The following SMS variants were observed in gnomAD, a reference collection of about 807,000 sequenced individuals.
The protein encoded by SMS is spermidine aminopropyltransferase.
Under a neutral mutation model 33.0 loss-of-function variants are expected in SMS, and 3 were observed. That is an observed-to-expected ratio of 0.09 (90% confidence interval 0.04 to 0.23). SMS has a LOEUF of 0.23. Ranked by LOEUF, SMS falls within the 10% of genes least tolerant of loss-of-function variation. The pLI is 1.00. For synonymous variants in SMS, 103 were observed against 112.2 expected (o/e 0.92, Z 0.52); for missense variants, 117 against 288.6 (o/e 0.41, Z 4.31).
At chrX:21,940,986 C>G in intron 1 of SMS, 113 bp downstream of exon 1, 2 of 245,013 alleles carry the variant, frequency 8.2e-6, no homozygotes, top group South Asian at 1.9e-4. Context: ...GCGGGCGGCC[C>G]GCGCGGCGCC....
At chrX:21,946,142 CTG>C (rs763427373) in intron 1 of SMS, among the ~76,000 whole-genome samples, 22 of 112,256 alleles carry the variant, frequency 2.0e-4, no homozygotes, top group Non-Finnish European at 3.2e-4. Flanking sequence ...GAAAATAAGT[CTG>C]TGTGTTTTTT....
intron 1 of SMS, among the ~76,000 whole-genome samples, chrX:21,949,601 A>AT (rs902283175): frequency 3.6e-5 from 4 of 111,439 alleles, no homozygotes; most frequent in African/African-American, 9.8e-5. Context: ...GCATGACTCC[A>AT]TTTTTTTTCA....
intron 1 of SMS, among the ~76,000 whole-genome samples, chrX:21,945,124 G>A (rs546351752): frequency 6.2e-5 from 7 of 112,001 alleles, no homozygotes; most frequent in East Asian, 5.6e-4. Context: ...TGGGCTGGGC[G>A]TATCTTTTGA....
chrX:21,942,829 CTTTTTTTTTT>C (rs772851812), intron 1 of SMS, among the ~76,000 whole-genome samples: 1 of 81,890 alleles, frequency 1.2e-5, no homozygotes, highest in African/African-American at 5.2e-5. Context: ...ATTTTCTTAA[CTTTTTTTTTT>C]TTTTTTTTTT....
intron 9 of SMS, among the ~76,000 whole-genome samples, chrX:21,985,592 T>C (rs920582222): frequency 8.9e-6 from 1 of 112,236 alleles, no homozygotes; most frequent in Admixed American, 9.5e-5. Flanking sequence ...ACTTAAACTT[T>C]AAAGATTACA....
At chrX:21,967,425 CT>C in intron 2 of SMS, 109 bp downstream of exon 2, 2 of 853,358 alleles carry the variant, frequency 2.3e-6, no homozygotes, top group Non-Finnish European at 3.4e-6. Flanking sequence ...CCTTTGACAT[CT>C]TTTAGGATGG....
At chrX:21,951,682 G>A (rs145277975) in intron 1 of SMS, among the ~76,000 whole-genome samples, 2,931 of 107,916 alleles carry the variant, frequency 0.027, 49 homozygotes, top group Non-Finnish European at 0.041. Context: ...TCCCAGCACC[G>A]TTTATTAAAT....
chrX:21,972,964 A>G (rs944477076), intron 4 of SMS, among the ~76,000 whole-genome samples: 6 of 108,058 alleles, frequency 5.6e-5, no homozygotes, highest in Non-Finnish European at 1.1e-4. Flanking sequence ...TGTGGTCCCC[A>G]GTAGTGTCTG....
intron 1 of SMS, among the ~76,000 whole-genome samples, chrX:21,957,106 C>T (rs143404187): frequency 6.0e-4 from 66 of 109,877 alleles, no homozygotes; most frequent in African/African-American, 2.0e-3. Context: ...CATCTGAGCC[C>T]GTGCCTGGTG....
At chrX:21,954,373 C>T (rs1043580849) in intron 1 of SMS, among the ~76,000 whole-genome samples, 7 of 112,038 alleles carry the variant, frequency 6.2e-5, no homozygotes, top group Admixed American at 1.9e-4. Flanking sequence ...AAAGCTTGCC[C>T]GTTCCTGCCT....
intron 9 of SMS, 130 bp from the exon 10 acceptor site, chrX:21,992,467 G>A (rs892873738): frequency 4.4e-5 from 22 of 503,600 alleles, no homozygotes; most frequent in Admixed American, 1.4e-4. Flanking sequence ...AAATACAGAA[G>A]CCTTATCTTG....
At position 21,994,303 on chromosome X, in the gene SMS, C is replaced by T. The variant is rs1925945662; in HGVS notation, c.1062-9C>T. ...ATTACCTGCTTTTATTCCTTGACTC[C>T]CTGTCCAGGTGGGTATTTTACACTG... On this transcript the variant is annotated splice_polypyrimidine_tract_variant and intron_variant, in intron 10 of 10. Transcript: ENST00000404933. 1 of 1,203,050 alleles carries T rather than the reference C, an allele frequency of 8.3e-7. No homozygotes were observed. Among genetic ancestry groups the T allele is most frequent in the Admixed American group, 2.2e-5 (1 of 45,577 alleles).
chrX:21,982,209 G>A lies in SMS; in HGVS notation c.751-2095G>A, dbSNP rs909090735. On this transcript the variant is annotated intron_variant, in intron 7 of 10. Transcript: ENST00000404933. The stretch of plus-strand genomic sequence containing the variant: ...AAAAATTAGCTGGGCGTGGTGGCGG[G>A]CACCTGTAGTCTCAGCTACTCGGGA... 3.7e-5 allele frequency among the ~76,000 whole-genome samples: 4 copies of A among 108,189 alleles called. No homozygotes were observed. In the South Asian group the frequency reaches 1.7e-3, roughly 45 times the overall value. 93.9% of individuals were successfully genotyped at this position (108,189 alleles called of 115,157 possible).
At chrX:21,974,518 A>G (rs766581107) in intron 4 of SMS, among the ~76,000 whole-genome samples, 1 of 111,683 alleles carries the variant, frequency 9.0e-6, no homozygotes, top group Non-Finnish European at 1.9e-5. Flanking sequence ...ACCCATTTGG[A>G]ATGAACAGGT....
At position 21,957,737 on chromosome X, in the gene SMS, A is replaced by G. The variant is rs779003350; in HGVS notation, c.50-9459A>G. ...TAGTTGATATTCCCACCAGCAGTGC[A>G]GAAGTGTTTCCTTTCACCACATCCA... On this transcript the variant is annotated intron_variant, in intron 1 of 10. Transcript: ENST00000404933. Among the ~76,000 whole-genome samples, 526 of 112,384 alleles carry G rather than the reference A, an allele frequency of 4.7e-3. 1 individual carries two copies. Among genetic ancestry groups the G allele is most frequent in the Non-Finnish European group, 7.9e-3 (419 of 53,293 alleles).
chrX:21,981,128 C>G (rs999216141), intron 7 of SMS, among the ~76,000 whole-genome samples: 27 of 111,043 alleles, frequency 2.4e-4, no homozygotes, highest in African/African-American at 8.9e-4. Context: ...GGAGAACAGC[C>G]TGGTCAACAT....
At chrX:21,942,220 C>G (rs1320675513) in intron 1 of SMS, among the ~76,000 whole-genome samples, 1 of 110,923 alleles carries the variant, frequency 9.0e-6, no homozygotes, top group Non-Finnish European at 1.9e-5. Context: ...TAACACTGTT[C>G]CTTTCTTTCT....
At position 21,945,634 on chromosome X, in the gene SMS, TC is replaced by T. The variant is rs376720187; in HGVS notation, c.49+4771del. ...ATGGTAACATGTGCTTTGCTTCCCG[TC>T]CCCCCCCCCACCCCCTACAGTCTCG... On this transcript the variant is annotated intron_variant, in intron 1 of 10. Transcript: ENST00000404933. Among the ~76,000 whole-genome samples the T allele has an allele frequency of 4.0e-3, 136 of 34,096 alleles. 1 individual carries two copies. The highest frequency in any genetic ancestry group is 0.027 in the South Asian group (8 of 294). 29.6% of individuals were successfully genotyped at this position (34,096 alleles called of 115,157 possible). A position where few individuals can be genotyped will look rare whatever the true frequency, so the allele number is the denominator to read the frequency against.
At chrX:21,980,429 AATATATAT>A (rs1187267102) in intron 7 of SMS, among the ~76,000 whole-genome samples, 1 of 63,039 alleles carries the variant, frequency 1.6e-5, no homozygotes, top group African/African-American at 4.7e-5. Flanking sequence ...AAAAAAAAAA[AATATATAT>A]ATATATATAT....
Sources: gnomAD v4.1 joint callset for allele counts (sites outside exome capture counted in the v4.1 genomes callset) on GRCh38, gnomAD v4.1.1 for gene constraint, MANE v1.5 for transcripts, NCBI Gene and HGNC (gene_info 2026-07-23, HGNC 2026-07-21) for gene names.